Variants in UBR1 observed in about 807,000 individuals in gnomAD.
UBR1 encodes the protein ubiquitin protein ligase E3 component n-recognin 1, also known as E3 ubiquitin-protein ligase UBR1.
Under a neutral mutation model 242.1 loss-of-function variants are expected in UBR1, and 102 were observed. The observed-to-expected ratio is 0.42, with a 90% confidence interval of 0.36 to 0.50. The LOEUF (loss-of-function observed/expected upper bound fraction) is 0.50. Ranked by LOEUF, UBR1 falls within the 20% of genes least tolerant of loss-of-function variation. UBR1 has a pLI of 0.01. For missense variants in UBR1, 1,772 were observed against 2,101.8 expected (o/e 0.84, Z 3.07); for synonymous variants, 675 against 684.8 (o/e 0.99, Z 0.22).
Position 43,002,716 on chromosome 15 carries a change from CAA to C in UBR1, c.3510-14_3510-13del, listed in dbSNP as rs775856211. The stretch of plus-strand genomic sequence containing the variant: ...CAGCTTCAAAATACCTGCAAAATTA[CAA>C]AGACACAGGCCCATTCAGAACTACA... On this transcript the variant is annotated splice_polypyrimidine_tract_variant and intron_variant, in intron 31 of 46. Transcript: ENST00000290650. 5.6e-6 allele frequency: 9 copies of C among 1,613,950 alleles called. No individual in the cohort carries two copies.
chr15:43,090,564 T>C (rs571582348), intron 1 of UBR1, among the ~76,000 whole-genome samples: 2 of 151,880 alleles, frequency 1.3e-5, no homozygotes, highest in South Asian at 4.1e-4. Flanking sequence ...ATAGAGATAA[T>C]ATCTAATGTT....
In UBR1 at chr15:42,966,142, T is replaced by C; in HGVS notation, c.4591+11A>G. The C allele has an allele frequency of 6.2e-7, 1 of 1,614,150 alleles. No individual in the cohort carries two copies. The highest frequency in any genetic ancestry group is 8.5e-7 in the Non-Finnish European group (1 of 1,180,022). On this transcript the variant is annotated intron_variant, in intron 41 of 46. Coordinates refer to ENST00000290650, the MANE Select transcript of UBR1 (RefSeq NM_174916.3). Reference sequence around the variant, plus strand: ...CCATTTTCCACTCCATGATTTCATTTTTCTACTTACTGGTATGCAGTTCCT... The same window carrying C: ...CCATTTTCCACTCCATGATTTCATTCTTCTACTTACTGGTATGCAGTTCCT...
intron 10 of UBR1, 46 bp from the exon 11 acceptor site, chr15:43,056,488 C>A: frequency 7.3e-7 from 1 of 1,362,812 alleles, no homozygotes; most frequent in Non-Finnish European, 1.0e-6. Context: ...CTACTAAAGA[C>A]CTTTAAAAAA....
chr15:42,993,825 G>A (rs1182212161), intron 33 of UBR1, among the ~76,000 whole-genome samples: 2 of 150,552 alleles, frequency 1.3e-5, no homozygotes, highest in South Asian at 2.1e-4. Flanking sequence ...GGGGCAGAGC[G>A]AGACTCCATC....
At chr15:42,980,314 C>T (rs1421801564) in intron 37 of UBR1, among the ~76,000 whole-genome samples, 1 of 152,118 alleles carries the variant, frequency 6.6e-6, no homozygotes, top group Non-Finnish European at 1.5e-5. Context: ...ATGGGTTAAG[C>T]CAACCCTTTA....
chr15:43,015,907 C>T (rs1225270874), intron 28 of UBR1, 38 bp from the exon 29 acceptor site: 1 of 1,594,120 alleles, frequency 6.3e-7, no homozygotes, highest in East Asian at 2.2e-5. Flanking sequence ...GTAAGATCCA[C>T]TGTTAAACAT....
chr15:42,989,042 A>C lies in UBR1; in HGVS notation c.3849-75T>G, dbSNP rs1230730885. On this transcript the variant is annotated intron_variant, in intron 34 of 46. Transcript: ENST00000290650. Reference sequence around the variant, plus strand: ...AGTAAGAAGTCCAATTAAGTCCTGAAGCAACAGAAACAATTTAACTGCTTT... The same window carrying C: ...AGTAAGAAGTCCAATTAAGTCCTGACGCAACAGAAACAATTTAACTGCTTT... 5.5e-6 allele frequency: 7 copies of C among 1,279,086 alleles called. No homozygotes were observed. In the East Asian group the frequency reaches 1.7e-4, roughly 31 times the overall value. 79.2% of individuals were successfully genotyped at this position (1,279,086 alleles called of 1,614,324 possible). A position where few individuals can be genotyped will look rare whatever the true frequency, so the allele number is the denominator to read the frequency against.
chr15:42,949,946 C>G (rs2031802019), intron 46 of UBR1, among the ~76,000 whole-genome samples: 2 of 150,238 alleles, frequency 1.3e-5, no homozygotes, highest in Non-Finnish European at 3.0e-5. Flanking sequence ...TCAAGTGATT[C>G]TCCTACCTCA....
intron 43 of UBR1, among the ~76,000 whole-genome samples, chr15:42,959,774 A>G (rs928838617): frequency 6.6e-6 from 1 of 152,268 alleles, no homozygotes; most frequent in South Asian, 2.1e-4. Context: ...TATTATCACT[A>G]AATCTCTAAA....
At chr15:43,103,074 A>C (rs2034257657) in intron 1 of UBR1, among the ~76,000 whole-genome samples, 1 of 152,220 alleles carries the variant, frequency 6.6e-6, no homozygotes, top group Non-Finnish European at 1.5e-5. Flanking sequence ...AGGCTGAGGC[A>C]CAAGAATTGC....
chr15:43,084,107 T>C (rs1445072247), intron 2 of UBR1, among the ~76,000 whole-genome samples: 2 of 152,118 alleles, frequency 1.3e-5, no homozygotes, highest in Non-Finnish European at 2.9e-5. Context: ...ATAGGTTGTC[T>C]AATAATATTC....
intron 32 of UBR1, 77 bp from the exon 33 acceptor site, chr15:42,998,342 T>C (rs1226502122): frequency 1.1e-5 from 14 of 1,302,720 alleles, no homozygotes; most frequent in Non-Finnish European, 1.4e-5. Context: ...TATTATTTCC[T>C]TGGATAAATG....
At chr15:42,965,076 T>C (rs574857288) in intron 41 of UBR1, among the ~76,000 whole-genome samples, 48 of 152,336 alleles carry the variant, frequency 3.2e-4, no homozygotes, top group Admixed American at 3.3e-4. Flanking sequence ...ACATGACTTT[T>C]TTGTATGTGA....
intron 46 of UBR1, 97 bp from the exon 47 acceptor site, chr15:42,945,567 G>A: frequency 2.0e-6 from 3 of 1,476,600 alleles, no homozygotes; most frequent in Non-Finnish European, 1.8e-6. Context: ...GATGTTCCTG[G>A]AGCCGGGAGG....
intron 35 of UBR1, among the ~76,000 whole-genome samples, 192 bp from the exon 36 acceptor site, chr15:42,985,134 T>C (rs1451097080): frequency 1.3e-5 from 2 of 152,118 alleles, no homozygotes; most frequent in African/African-American, 4.8e-5. Flanking sequence ...GAGAATCAAA[T>C]GTATATCATT....
chr15:43,040,584 A>C (rs988335554), intron 15 of UBR1, among the ~76,000 whole-genome samples: 3 of 152,174 alleles, frequency 2.0e-5, no homozygotes, highest in African/African-American at 4.8e-5. Flanking sequence ...GCAACAAAAG[A>C]CAAAATTGAC....
intron 15 of UBR1, among the ~76,000 whole-genome samples, chr15:43,040,794 C>T (rs1467624566): frequency 1.3e-5 from 2 of 152,202 alleles, no homozygotes; most frequent in African/African-American, 4.8e-5. Flanking sequence ...TATGAACAGA[C>T]ACTTCTCAAA....
chr15:42,986,649 T>A (rs561452087), intron 35 of UBR1, among the ~76,000 whole-genome samples: 2 of 152,334 alleles, frequency 1.3e-5, no homozygotes, highest in African/African-American at 4.8e-5. Flanking sequence ...GATTGAATCA[T>A]AGCAAATATA....
intron 1 of UBR1, among the ~76,000 whole-genome samples, chr15:43,090,291 G>T (rs1350069467): frequency 2.0e-5 from 3 of 151,926 alleles, no homozygotes; most frequent in African/African-American, 7.3e-5. Flanking sequence ...AAATCATGAC[G>T]ACTATTTAAC....
Sources: gnomAD v4.1 joint callset for allele counts (sites outside exome capture counted in the v4.1 genomes callset) on GRCh38, gnomAD v4.1.1 for gene constraint, MANE v1.5 for transcripts, NCBI Gene and HGNC (gene_info 2026-07-23, HGNC 2026-07-21) for gene names.